The following RALGPS2 variants were observed in gnomAD, a reference collection of about 807,000 sequenced individuals.
The protein encoded by RALGPS2 is ras-specific guanine nucleotide-releasing factor RalGPS2.
Under a neutral mutation model 86.8 loss-of-function variants are expected in RALGPS2, and 43 were observed. That is an observed-to-expected ratio of 0.50 (90% confidence interval 0.39 to 0.64). The LOEUF (loss-of-function observed/expected upper bound fraction) is 0.64. RALGPS2 is among the 30% of genes least tolerant of loss of function. The pLI, the probability that RALGPS2 is intolerant of heterozygous loss-of-function variation, is 0.00. For synonymous variants in RALGPS2, 243 were observed against 231.3 expected, an observed-to-expected ratio of 1.05 and a Z score of -0.46; for missense variants, 536 against 694.6, an observed-to-expected ratio of 0.77 and a Z score of 2.57.
chr1:178,879,175 CA>C, intron 10 of RALGPS2, 183 bp downstream of exon 10: 1 of 693,930 alleles, frequency 1.4e-6, no homozygotes, highest in East Asian at 3.5e-5. Flanking sequence ...AGCCAATATA[CA>C]AATACCTCAT....
chr1:178,785,783 A>G (rs1653623025), intron 4 of RALGPS2, among the ~76,000 whole-genome samples, 176 bp downstream of exon 4: 1 of 152,058 alleles, frequency 6.6e-6, no homozygotes, highest in African/African-American at 2.4e-5. Context: ...ATAGCAATAC[A>G]TTATTGAGTC....
intron 6 of RALGPS2, among the ~76,000 whole-genome samples, chr1:178,815,176 G>A (rs1655168590): frequency 6.6e-6 from 1 of 152,094 alleles, no homozygotes; most frequent in African/African-American, 2.4e-5. Context: ...CACCTCCTGG[G>A]TTCATGTGAT....
intron 1 of RALGPS2, among the ~76,000 whole-genome samples, chr1:178,740,619 G>T (rs1265556442): frequency 2.6e-5 from 4 of 152,224 alleles, no homozygotes; most frequent in Non-Finnish European, 5.9e-5. Flanking sequence ...CTATAAAAGA[G>T]TAGGGCATGT....
Position 178,886,065 on chromosome 1 carries a change from T to C in RALGPS2, c.1137T>C (p.His379=), listed in dbSNP as rs746733114. 2.5e-6 allele frequency: 4 copies of C among 1,613,638 alleles called. No individual in the cohort carries two copies. In the African/African-American group the frequency reaches 4.0e-5, roughly 16 times the overall value. ...TAGATGATAGCGTCATGGAGCCCCA[T>C]GCGCCATCTCGAGGCCAAGCTGAAA... The part of the protein sequence containing the change: ...HLLDDSVMEP[H]APSRGQAESS... The change falls in exon 13 of 20, where the codon CAT becomes CAC. Residue 379 remains histidine, a synonymous_variant. Transcript: ENST00000367635.
intron 4 of RALGPS2, among the ~76,000 whole-genome samples, chr1:178,790,778 T>C (rs1653913840): frequency 6.6e-6 from 1 of 152,244 alleles, no homozygotes; most frequent in Non-Finnish European, 1.5e-5. Flanking sequence ...TATTGTTTAT[T>C]ATGTCAAAAC....
chr1:178,900,416 A>G (rs889810667), intron 17 of RALGPS2, among the ~76,000 whole-genome samples: 1 of 151,946 alleles, frequency 6.6e-6, no homozygotes, highest in Non-Finnish European at 1.5e-5. Flanking sequence ...ATGACATAGC[A>G]TTGGTCATGA....
At chr1:178,894,110 A>G (rs963597030) in intron 16 of RALGPS2, 86 bp downstream of exon 16, 1 of 755,592 alleles carries the variant, frequency 1.3e-6, no homozygotes, top group Admixed American at 2.8e-5. Flanking sequence ...AACAATTAAA[A>G]TAAAACCTGA....
At chr1:178,760,030 C>T (rs1246359465) in intron 1 of RALGPS2, among the ~76,000 whole-genome samples, 1 of 152,078 alleles carries the variant, frequency 6.6e-6, no homozygotes, top group East Asian at 1.9e-4. Flanking sequence ...TGTCTGTAAA[C>T]AAGGATAGTT....
chr1:178,892,304 G>A lies in RALGPS2; in HGVS notation c.1322G>A (p.Ser441Asn). 1 of 1,612,306 alleles carries A rather than the reference G, an allele frequency of 6.2e-7. No homozygotes were observed. Among genetic ancestry groups the A allele is most frequent in the South Asian group, 1.1e-5 (1 of 91,050 alleles). ...GGCTATCGAAGTCACATGAAGGCCA[G>A]CAGGTACAATTCCCCTGCATTCAGG... is the stretch of plus-strand genomic sequence containing the variant. ...RNGYRSHMKA[S>N]SSAESEDLAV... Residue 441 changes from serine (S) to asparagine (N), a missense_variant, in exon 15 of 20, where the codon AGC becomes AAC. Transcript: ENST00000367635.
At chr1:178,734,547 A>G (rs987845091) in intron 1 of RALGPS2, among the ~76,000 whole-genome samples, 4 of 152,372 alleles carry the variant, frequency 2.6e-5, no homozygotes, top group Non-Finnish European at 5.9e-5. Context: ...ATTGTATGGT[A>G]TGTGAATTAT....
intron 7 of RALGPS2, among the ~76,000 whole-genome samples, chr1:178,829,754 AT>A (rs1053745510): frequency 6.6e-6 from 1 of 151,358 alleles, no homozygotes; most frequent in East Asian, 1.9e-4. Context: ...ATTTATTTTT[AT>A]TTTTTTTGAG....
intron 17 of RALGPS2, among the ~76,000 whole-genome samples, chr1:178,900,287 A>G (rs186506582): frequency 2.6e-5 from 4 of 152,096 alleles, no homozygotes; most frequent in African/African-American, 9.6e-5. Context: ...TATAAAGTAT[A>G]TATTTTTTTG....
intron 17 of RALGPS2, among the ~76,000 whole-genome samples, chr1:178,898,881 A>T (rs1297638737): frequency 6.6e-6 from 1 of 151,900 alleles, no homozygotes; most frequent in East Asian, 1.9e-4. Flanking sequence ...ACCCTACAAC[A>T]TTTACATAGA....
intron 1 of RALGPS2, among the ~76,000 whole-genome samples, chr1:178,739,120 T>C (rs1558095888): frequency 2.0e-5 from 3 of 152,234 alleles, no homozygotes; most frequent in Admixed American, 1.3e-4. Flanking sequence ...TATGCTGATA[T>C]ATTTTTGTAT....
intron 8 of RALGPS2, chr1:178,851,465 C>A: frequency 1.5e-6 from 1 of 648,726 alleles, no homozygotes; most frequent in South Asian, 3.2e-5. Context: ...CCTTCACTTA[C>A]TTGATGGCTG....
chr1:178,905,559 G>A (rs924609769), intron 18 of RALGPS2, among the ~76,000 whole-genome samples: 1 of 152,168 alleles, frequency 6.6e-6, no homozygotes, highest in African/African-American at 2.4e-5. Context: ...TATTTTGAGT[G>A]TTAGAATCTC....
chr1:178,847,213 A>G (rs540507716), intron 8 of RALGPS2, among the ~76,000 whole-genome samples: 1 of 152,360 alleles, frequency 6.6e-6, no homozygotes, highest in South Asian at 2.1e-4. Flanking sequence ...TGGGAGGCCA[A>G]AGCAGGCGGA....
At chr1:178,812,024 C>A (rs1655008949) in intron 6 of RALGPS2, among the ~76,000 whole-genome samples, 1 of 152,070 alleles carries the variant, frequency 6.6e-6, no homozygotes, top group South Asian at 2.1e-4. Flanking sequence ...GTGAGCCCTT[C>A]CCTCTCCATC....
At chr1:178,784,372 T>C (rs1373266749) in intron 2 of RALGPS2, 46 bp from the exon 3 acceptor site, 1 of 1,453,504 alleles carries the variant, frequency 6.9e-7, no homozygotes, top group Middle Eastern at 1.8e-4. Context: ...TATCACTTGA[T>C]TGTGAGACAG....
Sources: allele counts gnomAD v4.1 joint callset (sites outside exome capture counted in the v4.1 genomes callset), GRCh38; gene constraint gnomAD v4.1.1; transcripts MANE v1.5; gene names NCBI Gene and HGNC (gene_info 2026-07-23, HGNC 2026-07-21).